The following ADCY3 variants were observed in gnomAD, a reference collection of about 807,000 sequenced individuals.
ADCY3 encodes adenylate cyclase 3, also known as adenylate cyclase type 3.
In ADCY3, 70 loss-of-function variants were observed where a neutral mutation model predicts 119.4. That is an observed-to-expected ratio of 0.59 (90% CI 0.48 to 0.72). The LOEUF (loss-of-function observed/expected upper bound fraction) is 0.72. ADCY3 is among the 30% of genes least tolerant of loss of function. ADCY3 has a pLI of 0.00. For missense variants in ADCY3, 1,238 were observed against 1,541.6 expected (o/e 0.80, Z 3.30); for synonymous variants, 672 against 621.4 (o/e 1.08, Z -1.21).
intron 2 of ADCY3, among the ~76,000 whole-genome samples, chr2:24,914,378 G>A (rs560174732): frequency 5.9e-5 from 9 of 152,206 alleles, no homozygotes; most frequent in African/African-American, 1.9e-4. Context: ...TCTCTGTTTC[G>A]TCCTCTGTTC....
At chr2:24,837,103 G>C in intron 8 of ADCY3, 58 bp from the exon 9 acceptor site, 1 of 1,580,742 alleles carries the variant, frequency 6.3e-7, no homozygotes, top group South Asian at 1.1e-5. Context: ...GGCGTGGACA[G>C]GTCTGGAAGT....
Position 24,872,694 on chromosome 2 carries a change from A to G in ADCY3, c.701T>C (p.Leu234Pro). 6.2e-7 allele frequency: 1 copy of G among 1,614,100 alleles called. No individual in the cohort carries two copies. The highest frequency in any genetic ancestry group is 8.5e-7 in the Non-Finnish European group (1 of 1,179,972). ...CATGATGCCCACAGCGATGGCGCAC[A>G]GGTAGAGGAAGACGTTGGCCAGGAT... is the stretch of plus-strand genomic sequence containing the variant. Reference protein sequence around the residue: ...REILANVFLYLCAIAVGIMSY... With the variant: ...REILANVFLYPCAIAVGIMSY... Residue 234 changes from leucine (L) to proline (P), a missense_variant, in exon 3 of 22, where the codon CTG becomes CCG. Physicochemically the swap from Leu to Pro is moderately conservative, Grantham distance 98. Transcript: ENST00000679454. The surrounding 1 kb of genome is among the most constrained non-coding windows in gnomAD (Gnocchi z 4.4).
intron 17 of ADCY3, among the ~76,000 whole-genome samples, chr2:24,824,033 C>T (rs1357414981): frequency 6.6e-6 from 1 of 152,218 alleles, no homozygotes; most frequent in Non-Finnish European, 1.5e-5. Flanking sequence ...TCTCTAGTTC[C>T]TCTAACAGCC....
chr2:24,824,619 C>T (rs190892533), intron 16 of ADCY3, 83 bp from the exon 17 acceptor site: 22 of 1,479,584 alleles, frequency 1.5e-5, no homozygotes, highest in East Asian at 9.3e-5. Flanking sequence ...CCAGGCGTGG[C>T]GGTTCATGCC....
intron 2 of ADCY3, among the ~76,000 whole-genome samples, chr2:24,885,297 G>A (rs1474901511): frequency 1.3e-5 from 2 of 152,176 alleles, no homozygotes; most frequent in Non-Finnish European, 2.9e-5. Context: ...CCCAGACACT[G>A]GTATTGCTGA....
In ADCY3 at chr2:24,918,590, C is replaced by T. The variant is rs1242791216; in HGVS notation, c.398G>A (p.Arg133Gln). Residue 133 changes from arginine to glutamine, a missense_variant, in exon 2 of 22, where the codon CGG becomes CAG. Transcript: ENST00000679454. This position sits in a 1 kb window ranked among gnomAD's most constrained non-coding sequence, Gnocchi z 5.4. ...VLCKKGLLPD[R>Q]VTRRVLPYVL... Reference sequence around the variant, plus strand: ...GTAGGGCAGCACTCTGCGGGTGACCCGGTCCGGGAGCAGCCCCTTTTTGCA... The same window carrying T: ...GTAGGGCAGCACTCTGCGGGTGACCTGGTCCGGGAGCAGCCCCTTTTTGCA... 1.2e-6 allele frequency: 2 copies of T among 1,614,128 alleles called. No homozygotes were observed. The highest frequency in any genetic ancestry group is 1.1e-5 in the South Asian group (1 of 91,084).
intron 2 of ADCY3, among the ~76,000 whole-genome samples, chr2:24,879,924 G>A (rs942042784): frequency 6.6e-6 from 1 of 152,224 alleles, no homozygotes; most frequent in Non-Finnish European, 1.5e-5. Flanking sequence ...CATAAGGTCT[G>A]CAGACAGTGA....
chr2:24,819,888 T>TA lies in ADCY3; in HGVS notation c.*43dup. ...CGGGACTTCCTTCAGTTTCAAAAAA[T>TA]AAATTCTCCCTTCCGGTTTGGACTG... On this transcript the variant is annotated 3_prime_UTR_variant, in exon 22 of 22. Coordinates refer to ENST00000679454, the MANE Select transcript of ADCY3 (RefSeq NM_004036.5). 1.9e-6 allele frequency: 3 copies of TA among 1,592,444 alleles called. No homozygotes were observed. The highest frequency in any genetic ancestry group is 2.6e-6 in the Non-Finnish European group (3 of 1,168,200).
intron 3 of ADCY3, among the ~76,000 whole-genome samples, chr2:24,852,094 C>T (rs986921525): frequency 6.6e-6 from 1 of 152,184 alleles, no homozygotes; most frequent in Non-Finnish European, 1.5e-5. Context: ...CCTGACAGTG[C>T]GGCTCTGGCT....
intron 20 of ADCY3, chr2:24,821,155 G>T: frequency 2.3e-6 from 1 of 434,314 alleles, no homozygotes. Context: ...CCCCTCAGTA[G>T]AAGCAGCAGG....
In ADCY3 at chr2:24,821,051, C is replaced by A. The variant is rs562617864; in HGVS notation, c.3128-203G>T. On this transcript the variant is annotated intron_variant, in intron 20 of 21. Transcript: ENST00000679454. ...GCTTGTTAGGTGTCAGCCGCCACCC[C>A]CCCCCCATATGCAGATTTACTCGGC... 778 of 659,186 alleles carry A rather than the reference C, an allele frequency of 1.2e-3. 1 individual carries two copies. The highest frequency in any genetic ancestry group is 7.3e-3 in the Middle Eastern group (17 of 2,332). 40.8% of individuals were successfully genotyped at this position (659,186 alleles called of 1,614,324 possible). A position where few individuals can be genotyped will look rare whatever the true frequency, so the allele number is the denominator to read the frequency against.
chr2:24,823,233 AT>A lies in ADCY3; in HGVS notation c.2858del (p.Asn953MetfsTer18). On this transcript the variant is annotated frameshift_variant, in exon 18 of 22. Transcript: ENST00000679454. LOFTEE classifies it high-confidence loss of function. ...CAGAGTCAAAATCTGAGATGATTTCATTGAGGAAACGCAGACACTCAATACC... is the reference window on the plus strand; with the variant it reads ...CAGAGTCAAAATCTGAGATGATTTCATGAGGAAACGCAGACACTCAATACC... ...NGGIECLRFL[N>X]EIISDFDSLL... 6.2e-7 allele frequency: 1 copy of A among 1,613,082 alleles called. No homozygotes were observed. The highest frequency in any genetic ancestry group is 8.5e-7 in the Non-Finnish European group (1 of 1,179,828).
intron 2 of ADCY3, among the ~76,000 whole-genome samples, chr2:24,916,381 T>G (rs527678592): frequency 3.5e-4 from 53 of 152,248 alleles, no homozygotes; most frequent in African/African-American, 1.1e-3. Context: ...TCCTCAGACC[T>G]CAGACCTTAG....
At chr2:24,911,437 A>G (rs1663631732) in intron 2 of ADCY3, among the ~76,000 whole-genome samples, 1 of 151,434 alleles carries the variant, frequency 6.6e-6, no homozygotes, top group African/African-American at 2.4e-5. Flanking sequence ...ACCTGAGGTC[A>G]GGAGTTCGAG....
At chr2:24,829,647 C>T (rs1247455387) in intron 13 of ADCY3, among the ~76,000 whole-genome samples, 4 of 151,926 alleles carry the variant, frequency 2.6e-5, no homozygotes, top group South Asian at 4.1e-4. Context: ...TGATTTCGAT[C>T]TCCTGACCTC....
chr2:24,840,503 G>C (rs1165276945), intron 6 of ADCY3: 2 of 458,148 alleles, frequency 4.4e-6, no homozygotes, highest in Non-Finnish European at 9.1e-6. Context: ...TCTTTCCAGG[G>C]CAATACTAGA....
chr2:24,915,818 G>T (rs1002205582), intron 2 of ADCY3, among the ~76,000 whole-genome samples: 2 of 152,246 alleles, frequency 1.3e-5, no homozygotes, highest in Non-Finnish European at 2.9e-5. Context: ...TGGGATTACA[G>T]GCATGAGCCA....
At chr2:24,846,313 C>A (rs1006932800) in intron 3 of ADCY3, among the ~76,000 whole-genome samples, 2 of 152,192 alleles carry the variant, frequency 1.3e-5, no homozygotes, top group African/African-American at 4.8e-5. Context: ...GTGAGGGAGG[C>A]TGTACCCTGC....
At chr2:24,894,326 T>G (rs761456594) in intron 2 of ADCY3, among the ~76,000 whole-genome samples, 2 of 152,006 alleles carry the variant, frequency 1.3e-5, no homozygotes, top group Non-Finnish European at 2.9e-5. Context: ...CTACAAAAAG[T>G]TAGCCAGACA....
Sources: gnomAD v4.1 joint callset for allele counts (sites outside exome capture counted in the v4.1 genomes callset) on GRCh38, gnomAD v4.1.1 for gene constraint, Gnocchi (gnomAD v3.1) non-coding constraint, MANE v1.5 for transcripts, NCBI Gene and HGNC (gene_info 2026-07-23, HGNC 2026-07-21) for gene names.